Variants in MTAP observed in about 807,000 individuals in gnomAD.
MTAP encodes the protein S-methyl-5'-thioadenosine phosphorylase.
Under a neutral mutation model 33.6 loss-of-function variants are expected in MTAP, and 33 were observed. The observed-to-expected ratio is 0.98, with a 90% CI of 0.74 to 1.31. The LOEUF (loss-of-function observed/expected upper bound fraction) is 1.31. MTAP is among the 40% of genes most tolerant of loss of function. The probability of loss-of-function intolerance (pLI) is 0.00; values close to 1 mark genes in which losing one functional copy is unlikely to be tolerated. For missense variants in MTAP, 367 were observed against 360.0 expected, an observed-to-expected ratio of 1.02 and a Z score of -0.16; for synonymous variants, 148 against 125.7, an observed-to-expected ratio of 1.18 and a Z score of -1.19.
At chr9:21,939,931 C>T (rs1819108680), downstream of MTAP, among the ~76,000 whole-genome samples, 1 of 151,928 alleles carries the variant, frequency 6.6e-6, no homozygotes, top group Admixed American at 6.6e-5. Flanking sequence ...ATTAGAAACA[C>T]TGGTTATATT....
chr9:21,864,379 C>T lies in MTAP; in HGVS notation c.*2365C>T, dbSNP rs10117550. On this transcript the variant is annotated 3_prime_UTR_variant, in exon 8 of 8. Transcript: ENST00000644715. ...TTTTTTTTTAATTTAAGCTAGTATA[C>T]TAAGTGAACACCATGGTCAGTTGTG... The T allele has an allele frequency of 0.3, 292,146 of 984,416 alleles. 50,045 individuals are homozygous for T. Among genetic ancestry groups the T allele is most frequent in the African/African-American group, 0.68 (39,061 of 57,118 alleles). 61.0% of individuals were successfully genotyped at this position (984,416 alleles called of 1,614,324 possible).
chr9:21,846,417 GAA>G (rs66759160), intron 5 of MTAP, among the ~76,000 whole-genome samples: 16 of 135,240 alleles, frequency 1.2e-4, no homozygotes, highest in African/African-American at 3.1e-4. Context: ...AAATCAGCAA[GAA>G]AAAAAAAAAA....
downstream of MTAP, among the ~76,000 whole-genome samples, chr9:21,938,832 TG>T (rs1819086789): frequency 6.6e-6 from 1 of 152,250 alleles, no homozygotes; most frequent in Non-Finnish European, 1.5e-5. Context: ...TGTGGGTTTC[TG>T]GTAACTTTAA....
chr9:21,863,976 T>C lies in MTAP; in HGVS notation c.*1962T>C, dbSNP rs1587259490. 3.0e-6 allele frequency: 3 copies of C among 985,724 alleles called. No individual in the cohort carries two copies. In the Admixed American group the frequency reaches 1.8e-4, roughly 61 times the overall value. The allele number at this position is 985,724 out of a possible 1,614,324, so 61.1% of individuals were successfully genotyped here. A position where few individuals can be genotyped will look rare whatever the true frequency, so the allele number is the denominator to read the frequency against. On this transcript the variant is annotated 3_prime_UTR_variant, in exon 8 of 8. Coordinates refer to ENST00000644715, the MANE Select transcript of MTAP (RefSeq NM_002451.4). ...CATTAGCAATCTGTAGAGAACTTAA[T>C]GAACCTGAACCCAGGCTTCTCTAGC...
At chr9:21,881,021 A>G (rs577696743) in intron 1 of MTAP, among the ~76,000 whole-genome samples, 53 of 152,220 alleles carry the variant, frequency 3.5e-4, no homozygotes, top group Non-Finnish European at 6.0e-4. Flanking sequence ...TTACAAAACT[A>G]TAGTAATCAA....
chr9:21,930,789 G>A, intron 1 of MTAP: 1 of 716,702 alleles, frequency 1.4e-6, no homozygotes. Context: ...AAATCAATCA[G>A]TAAAAGTACA....
intron 3 of MTAP, among the ~76,000 whole-genome samples, chr9:21,817,245 T>C (rs572813804): frequency 4.6e-5 from 7 of 152,298 alleles, no homozygotes; most frequent in South Asian, 4.1e-4. Context: ...TTTTATCCCA[T>C]TGTTAGAAGT....
At chr9:21,837,691 CTTG>C (rs1825144379) in intron 4 of MTAP, among the ~76,000 whole-genome samples, 2 of 152,268 alleles carry the variant, frequency 1.3e-5, no homozygotes, top group African/African-American at 2.4e-5. Flanking sequence ...CACTTTAATT[CTTG>C]TTGTGCGGTG....
chr9:21,824,878 G>A (rs1198994632), intron 4 of MTAP, among the ~76,000 whole-genome samples: 3 of 151,930 alleles, frequency 2.0e-5, no homozygotes, highest in Non-Finnish European at 4.4e-5. Flanking sequence ...GCGAGGCTCT[G>A]TGGGCGTGGG....
intron 1 of MTAP, among the ~76,000 whole-genome samples, chr9:21,903,348 G>A (rs1259164808): frequency 3.3e-5 from 5 of 152,072 alleles, no homozygotes; most frequent in Non-Finnish European, 7.4e-5. Flanking sequence ...GCCCAACTCA[G>A]AAACATCCTT....
At chr9:21,885,003 GA>G (rs1418523744) in intron 1 of MTAP, among the ~76,000 whole-genome samples, 1 of 152,232 alleles carries the variant, frequency 6.6e-6, no homozygotes, top group East Asian at 1.9e-4. Context: ...GATAGAGAAA[GA>G]ATATATGGTG....
intron 1 of MTAP, among the ~76,000 whole-genome samples, chr9:21,911,567 T>C (rs569120829): frequency 6.6e-6 from 1 of 152,248 alleles, no homozygotes; most frequent in East Asian, 1.9e-4. Context: ...AATAAAAATG[T>C]TCTTTGAAAC....
At chr9:21,885,456 G>C (rs1818093518) in intron 1 of MTAP, among the ~76,000 whole-genome samples, 1 of 152,072 alleles carries the variant, frequency 6.6e-6, no homozygotes, top group African/African-American at 2.4e-5. Flanking sequence ...ATAGTTTTTG[G>C]GGAACAGGTG....
intron 3 of MTAP, among the ~76,000 whole-genome samples, chr9:21,817,464 T>A (rs1303207058): frequency 1.3e-5 from 2 of 151,960 alleles, no homozygotes; most frequent in Non-Finnish European, 2.9e-5. Context: ...TTGTTCAAGC[T>A]CGTGTAGTTG....
intron 1 of MTAP, chr9:21,892,348 C>T (rs554341385): frequency 3.3e-4 from 50 of 152,058 alleles, no homozygotes; most frequent in African/African-American, 1.1e-3. Context: ...AGAAGCAAGA[C>T]TCAACTCTAT....
chr9:21,937,675 G>A (rs1478000411), downstream of MTAP: 1 of 152,052 alleles, frequency 6.6e-6, no homozygotes, highest in African/African-American at 2.4e-5. Context: ...GTTACTTTTT[G>A]TGTCTTCACA....
At chr9:21,819,851 T>C (rs1824585494) in intron 4 of MTAP, among the ~76,000 whole-genome samples, 1 of 152,212 alleles carries the variant, frequency 6.6e-6, no homozygotes, top group Non-Finnish European at 1.5e-5. Flanking sequence ...TGTGAGATGG[T>C]ATCTCATTGT....
rs1825834267 is a variant in MTAP at position 21,865,227 on chromosome 9, C to CCT, written c.*3214_*3215dup. The CCT allele has an allele frequency of 1.9e-6, 1 of 516,860 alleles. No individual in the cohort carries two copies. Among genetic ancestry groups the CCT allele is most frequent in the East Asian group, 1.5e-4 (1 of 6,674 alleles). The allele number at this position is 516,860 out of a possible 1,614,324, so 32.0% of individuals were successfully genotyped here. A position where few individuals can be genotyped will look rare whatever the true frequency, so the allele number is the denominator to read the frequency against. On this transcript the variant is annotated 3_prime_UTR_variant, in exon 8 of 8. Coordinates refer to ENST00000644715, the MANE Select transcript of MTAP (RefSeq NM_002451.4). ...CTCATGATACTGAGTTCTCACAAGT[C>CCT]CTGTTTGTTTTATAAGGGGCTTTTC...
intron 1 of MTAP, among the ~76,000 whole-genome samples, chr9:21,910,889 C>A (rs939665127): frequency 6.6e-6 from 1 of 151,962 alleles, no homozygotes; most frequent in Non-Finnish European, 1.5e-5. Flanking sequence ...CTCACCGCCT[C>A]TAAGAAATTG....
Sources: gnomAD v4.1 joint callset for allele counts (sites outside exome capture counted in the v4.1 genomes callset) on GRCh38, gnomAD v4.1.1 for gene constraint, MANE v1.5 for transcripts, NCBI Gene and HGNC (gene_info 2026-07-23, HGNC 2026-07-21) for gene names.